GRXCR2: variants seen among roughly 807,000 people sequenced by gnomAD.
The protein encoded by GRXCR2 is glutaredoxin domain-containing cysteine-rich protein 2.
Under a neutral mutation model 24.8 loss-of-function variants are expected in GRXCR2, and 23 were observed. That is an observed-to-expected ratio of 0.93 (90% CI 0.67 to 1.32). The LOEUF (loss-of-function observed/expected upper bound fraction) is 1.32. Among genes scored for constraint, GRXCR2 ranks in the 40% most tolerant of loss-of-function variants. The pLI is 0.00. For missense variants in GRXCR2, 315 were observed against 303.4 expected (o/e 1.04, Z -0.28); for synonymous variants, 130 against 116.1 (o/e 1.12, Z -0.77).
intron 2 of GRXCR2, among the ~76,000 whole-genome samples, chr5:145,905,960 G>T (rs750375987): frequency 3.9e-5 from 6 of 152,104 alleles, no homozygotes; most frequent in Admixed American, 6.6e-5. Context: ...GAATAGATTG[G>T]GGCTACATTA....
upstream of GRXCR2, among the ~76,000 whole-genome samples, chr5:145,877,942 C>A (rs1251073639): frequency 6.6e-6 from 1 of 152,210 alleles, no homozygotes; most frequent in African/African-American, 2.4e-5. Flanking sequence ...AACAGACCTG[C>A]AGCTGAGAGA....
chr5:145,911,991 G>C (rs1217177304), intron 2 of GRXCR2, among the ~76,000 whole-genome samples: 1 of 152,234 alleles, frequency 6.6e-6, no homozygotes, highest in Non-Finnish European at 1.5e-5. Context: ...CAGCTACTCA[G>C]GTAGCTGAGG....
intron 2 of GRXCR2, among the ~76,000 whole-genome samples, chr5:145,907,409 A>G (rs1226693600): frequency 3.3e-5 from 5 of 152,078 alleles, no homozygotes; most frequent in African/African-American, 9.7e-5. Context: ...GGCAACTGTA[A>G]GCCCAGCTGC....
chr5:145,914,185 G>C (rs1757204115), intron 2 of GRXCR2, among the ~76,000 whole-genome samples: 1 of 152,096 alleles, frequency 6.6e-6, no homozygotes, highest in Non-Finnish European at 1.5e-5. Context: ...GGGGCTTCCA[G>C]TATAATTTAG....
intron 1 of GRXCR2, among the ~76,000 whole-genome samples, chr5:145,872,051 T>A (rs548535626): frequency 1.1e-4 from 16 of 152,302 alleles, no homozygotes; most frequent in African/African-American, 3.1e-4. Context: ...TAGCTCAAAC[T>A]TCTTCCTCAC....
At chr5:145,896,598 A>G (rs1258452306) in intron 2 of GRXCR2, among the ~76,000 whole-genome samples, 6 of 152,216 alleles carry the variant, frequency 3.9e-5, no homozygotes, top group East Asian at 1.9e-4. Context: ...ATCTCACACC[A>G]GTTAGAATGG....
Position 145,872,978 on chromosome 5 carries a change from G to T in GRXCR2, c.-10C>A, listed in dbSNP as rs745840055. 3.7e-6 allele frequency: 6 copies of T among 1,612,448 alleles called. No individual in the cohort carries two copies. The African/African-American group carries it at 4.0e-5, about 11-fold the overall frequency. On this transcript the variant is annotated 5_prime_UTR_variant, in exon 1 of 3. Coordinates refer to ENST00000377976, the MANE Select transcript of GRXCR2 (RefSeq NM_001080516.2). ...TCTCAGGGTCCTCCATCAGCAGAAA[G>T]TTGACCCTGTGGTCTCCAGCCTTCC... is the stretch of plus-strand genomic sequence containing the variant.
chr5:145,909,392 A>T (rs1757133738), intron 2 of GRXCR2, among the ~76,000 whole-genome samples: 1 of 56,180 alleles, frequency 1.8e-5, no homozygotes, highest in South Asian at 8.7e-4. Context: ...GCTTCTGCTC[A>T]TTCTGTTTCT....
At chr5:145,893,693 A>G (rs1276187556) in intron 2 of GRXCR2, among the ~76,000 whole-genome samples, 1 of 152,198 alleles carries the variant, frequency 6.6e-6, no homozygotes, top group African/African-American at 2.4e-5. Flanking sequence ...GGGAGACTTT[A>G]ACACCCCACT....
intron 2 of GRXCR2, among the ~76,000 whole-genome samples, chr5:145,901,148 G>C (rs529632386): frequency 6.2e-5 from 9 of 146,252 alleles, no homozygotes; most frequent in South Asian, 4.8e-4. Context: ...GACTACTAGA[G>C]GGGGGAAGGA....
At chr5:145,868,617 T>G (rs1303229144) in intron 1 of GRXCR2, among the ~76,000 whole-genome samples, 1 of 152,186 alleles carries the variant, frequency 6.6e-6, no homozygotes, top group Non-Finnish European at 1.5e-5. Flanking sequence ...CTACTTCCAG[T>G]AATAGCCAAT....
At chr5:145,929,821 C>T (rs911276399) in intron 2 of GRXCR2, among the ~76,000 whole-genome samples, 5 of 152,208 alleles carry the variant, frequency 3.3e-5, no homozygotes, top group African/African-American at 9.6e-5. Flanking sequence ...GAATCTCTCA[C>T]CAGATGTAGA....
chr5:145,913,808 T>C (rs1757197754), intron 2 of GRXCR2, among the ~76,000 whole-genome samples: 1 of 152,102 alleles, frequency 6.6e-6, no homozygotes, highest in African/African-American at 2.4e-5. Context: ...CAGGCAGGCA[T>C]GAGACCATGC....
intron 2 of GRXCR2, among the ~76,000 whole-genome samples, chr5:145,927,049 GA>G (rs1167264261): frequency 6.6e-6 from 1 of 152,170 alleles, no homozygotes; most frequent in Admixed American, 6.5e-5. Flanking sequence ...TGGTGTATAA[GA>G]ATGCTTGTGA....
chr5:145,896,026 T>C (rs1581346000), intron 2 of GRXCR2, among the ~76,000 whole-genome samples: 1 of 152,140 alleles, frequency 6.6e-6, no homozygotes, highest in Non-Finnish European at 1.5e-5. Flanking sequence ...AAACAAGAAA[T>C]GGGGAAAGGA....
intron 2 of GRXCR2, among the ~76,000 whole-genome samples, chr5:145,916,554 A>T (rs1206907589): frequency 6.6e-6 from 1 of 152,202 alleles, no homozygotes; most frequent in Non-Finnish European, 1.5e-5. Context: ...CTTGTCACAG[A>T]GGGCAATTTG....
intron 1 of GRXCR2, among the ~76,000 whole-genome samples, chr5:145,871,124 C>T (rs746546820): frequency 1.3e-5 from 2 of 152,010 alleles, no homozygotes; most frequent in Non-Finnish European, 2.9e-5. Context: ...TAGCACATGA[C>T]TTATGAAGAT....
intron 2 of GRXCR2, among the ~76,000 whole-genome samples, chr5:145,924,982 T>C (rs1423554421): frequency 6.6e-6 from 1 of 152,154 alleles, no homozygotes. Flanking sequence ...GTGCTTTAGA[T>C]GCAACACAAT....
intron 2 of GRXCR2, among the ~76,000 whole-genome samples, chr5:145,883,366 T>C (rs1756731752): frequency 1.3e-5 from 2 of 152,276 alleles, no homozygotes; most frequent in African/African-American, 2.4e-5. Flanking sequence ...TTTTGTTAAG[T>C]AAACTGTACC....
Sources: gnomAD v4.1 joint callset for allele counts (sites outside exome capture counted in the v4.1 genomes callset) on GRCh38, gnomAD v4.1.1 for gene constraint, MANE v1.5 for transcripts, NCBI Gene and HGNC (gene_info 2026-07-23, HGNC 2026-07-21) for gene names.